The following PDXDC1 variants were observed in gnomAD, a reference collection of about 807,000 sequenced individuals.
The protein encoded by PDXDC1 is pyridoxal-dependent decarboxylase domain-containing protein 1.
A neutral mutation model predicts 100.1 loss-of-function variants in PDXDC1; 42 were observed. The ratio of observed to expected loss-of-function variants is 0.42; its 90% confidence interval spans 0.33 to 0.54. The LOEUF (loss-of-function observed/expected upper bound fraction) is 0.54, where lower values mean the gene tolerates loss of function less well. PDXDC1 is among the 20% of genes least tolerant of loss of function. The pLI, the probability that PDXDC1 is intolerant of heterozygous loss-of-function variation, is 0.10. For synonymous variants in PDXDC1, 260 were observed against 371.7 expected, an observed-to-expected ratio of 0.70 and a Z score of 3.46; for missense variants, 636 against 979.2, an observed-to-expected ratio of 0.65 and a Z score of 4.68.
At chr16:15,104,588 G>T in intron 16 of PDXDC1, 1 of 1,599,770 alleles carries the variant, frequency 6.3e-7, no homozygotes, top group Non-Finnish European at 8.5e-7. Context: ...GAAGGGGATA[G>T]AGCAGACACT....
intron 16 of PDXDC1, chr16:15,044,545 A>G: frequency 1.5e-6 from 1 of 668,164 alleles, no homozygotes; most frequent in Non-Finnish European, 2.7e-6. Flanking sequence ...TGCCACCGCA[A>G]AAGAAAGTAT....
intron 8 of PDXDC1, among the ~76,000 whole-genome samples, chr16:15,014,289 T>G (rs2041612805): frequency 1.3e-5 from 2 of 152,374 alleles, no homozygotes; most frequent in South Asian, 2.1e-4. Flanking sequence ...CTTCCTGCCT[T>G]ATTGTTTAAA....
At chr16:15,064,214 C>T (rs867901471) in intron 16 of PDXDC1, among the ~76,000 whole-genome samples, 5 of 151,806 alleles carry the variant, frequency 3.3e-5, no homozygotes, top group South Asian at 2.1e-4. Context: ...CTCACTCTCT[C>T]GCCCAGGCTG....
intron 16 of PDXDC1, among the ~76,000 whole-genome samples, chr16:15,066,593 A>G (rs926431476): frequency 6.6e-6 from 1 of 151,694 alleles, no homozygotes; most frequent in Non-Finnish European, 1.5e-5. Flanking sequence ...AGATCACGCC[A>G]CTGTACTCCA....
chr16:15,002,533 C>G (rs1278894686), intron 4 of PDXDC1, among the ~76,000 whole-genome samples: 1 of 152,298 alleles, frequency 6.6e-6, no homozygotes, highest in Admixed American at 6.5e-5. Flanking sequence ...ATGTGTTTTA[C>G]TTTGAACAGA....
chr16:15,086,343 G>T, intron 16 of PDXDC1: 1 of 1,613,060 alleles, frequency 6.2e-7, no homozygotes, highest in Non-Finnish European at 8.5e-7. Context: ...ATACTTTACA[G>T]TAAAATAAAT....
chr16:15,099,797 A>C (rs2046478997), intron 16 of PDXDC1, among the ~76,000 whole-genome samples: 1 of 152,216 alleles, frequency 6.6e-6, no homozygotes, highest in Non-Finnish European at 1.5e-5. Context: ...TTCCAGAACA[A>C]AATTTTGCTT....
At chr16:15,078,396 G>T (rs887810893) in intron 16 of PDXDC1, among the ~76,000 whole-genome samples, 1 of 151,882 alleles carries the variant, frequency 6.6e-6, no homozygotes, top group African/African-American at 2.4e-5. Flanking sequence ...CTGCACCAAG[G>T]TCTCTAACAG....
chr16:15,003,420 G>A (rs1334392764), intron 4 of PDXDC1, among the ~76,000 whole-genome samples: 3 of 152,148 alleles, frequency 2.0e-5, no homozygotes, highest in Non-Finnish European at 4.4e-5. Context: ...GTTTCACCAT[G>A]TTAGCCAGGA....
chr16:15,080,833 T>A (rs1377160513), intron 16 of PDXDC1, among the ~76,000 whole-genome samples: 15 of 149,446 alleles, frequency 1.0e-4, no homozygotes, highest in Non-Finnish European at 1.8e-4. Context: ...TCTGCCTCTT[T>A]GACATTTCAT....
intron 1 of PDXDC1, among the ~76,000 whole-genome samples, chr16:14,977,991 A>G (rs1308672971): frequency 6.6e-6 from 1 of 152,200 alleles, no homozygotes; most frequent in Non-Finnish European, 1.5e-5. Flanking sequence ...ATCATTTAGT[A>G]GAATCACTCA....
At chr16:15,131,398 T>A in intron 16 of PDXDC1, 1 of 1,602,856 alleles carries the variant, frequency 6.2e-7, no homozygotes, top group South Asian at 1.1e-5. Flanking sequence ...AAAGATGAGC[T>A]GCACCACGTC....
the PDXDC1 span, among the ~76,000 whole-genome samples, chr16:15,149,529 T>C: frequency 6.6e-6 from 1 of 152,126 alleles, no homozygotes; most frequent in Admixed American, 6.5e-5. Flanking sequence ...TAGGGGTCGC[T>C]CCAGAATGAC....
intron 16 of PDXDC1, among the ~76,000 whole-genome samples, chr16:15,092,112 G>C (rs2046155845): frequency 6.6e-6 from 1 of 152,176 alleles, no homozygotes; most frequent in South Asian, 2.1e-4. Flanking sequence ...CTGGGAGGTG[G>C]AGGATGCAGT....
At chr16:15,097,143 C>T (rs1332431594) in intron 16 of PDXDC1, among the ~76,000 whole-genome samples, 1 of 151,920 alleles carries the variant, frequency 6.6e-6, no homozygotes, top group Non-Finnish European at 1.5e-5. Flanking sequence ...TGGCACGTGC[C>T]TGTAGTTCCA....
In PDXDC1 at chr16:15,048,336, A is replaced by G. The variant is rs548315592; in HGVS notation, c.1399+18280A>G. On this transcript the variant is annotated intron_variant, in intron 16 of 16. Transcript: ENST00000535621. ...TTTAACCTATGAAATCGGATGTCAT[A>G]GTAACCTATGAAATGAGATGCAAAA... 1.2e-4 allele frequency among the ~76,000 whole-genome samples: 18 copies of G among 152,346 alleles called. No individual in the cohort carries two copies. The East Asian group carries it at 1.9e-3, about 16-fold the overall frequency.
intron 16 of PDXDC1, chr16:15,074,906 C>T (rs2045387058): frequency 6.5e-7 from 1 of 1,548,676 alleles, no homozygotes; most frequent in Admixed American, 1.9e-5. Context: ...AATTCAATGT[C>T]AAAGTGGTTT....
Position 15,034,485 on chromosome 16 carries a change from G to A in PDXDC1, c.1934G>A (p.Gly645Asp). The change falls in exon 21 of 23, where the codon GGC becomes GAC. Residue 645 changes from glycine to aspartate, a missense_variant. Around this residue, in one of 4 missense-constraint regions of PDXDC1, gnomAD observed 452 missense variants for 402.9 expected, o/e 1.12. Transcript: ENST00000396410. ...GTGTTGCGGCAGATCCCTGTAGTGG[G>A]CTCCGTGCTGAATTGGTTTTCTCCG... ...EGVLRQIPVV[G>D]SVLNWFSPVQ... The A allele has an allele frequency of 6.2e-7, 1 of 1,614,138 alleles. No homozygotes were observed. The highest frequency in any genetic ancestry group is 2.2e-5 in the East Asian group (1 of 44,876).
downstream of PDXDC1, among the ~76,000 whole-genome samples, chr16:15,143,039 G>C (rs1173852436): frequency 1.1e-4 from 16 of 152,170 alleles, no homozygotes; most frequent in Non-Finnish European, 2.2e-4. Flanking sequence ...CCGAGGGCCA[G>C]GATGTGCTCC....
Sources: allele counts gnomAD v4.1 joint callset (sites outside exome capture counted in the v4.1 genomes callset), GRCh38; gene constraint gnomAD v4.1.1; regional missense constraint gnomAD v4.1.1; transcripts MANE v1.5; gene names NCBI Gene and HGNC (gene_info 2026-07-23, HGNC 2026-07-21).